ZFYVE9: variants seen among roughly 807,000 people sequenced by gnomAD.
ZFYVE9 encodes zinc finger FYVE domain-containing protein 9.
ZFYVE9 carries 43 observed loss-of-function variants against 126.7 expected under a neutral mutation model. That is an observed-to-expected ratio of 0.34 (90% confidence interval 0.27 to 0.44). ZFYVE9 has a LOEUF of 0.44. Among genes scored for constraint, ZFYVE9 ranks in the 20% least tolerant of loss-of-function variants. The probability of loss-of-function intolerance (pLI) is 1.00; values close to 1 mark genes in which losing one functional copy is unlikely to be tolerated. For missense variants in ZFYVE9, 1,476 were observed against 1,697.0 expected (o/e 0.87, Z 2.29); for synonymous variants, 521 against 597.4 (o/e 0.87, Z 1.87).
chr1:52,187,032 C>G (rs1347937112), intron 1 of ZFYVE9, among the ~76,000 whole-genome samples: 1 of 152,078 alleles, frequency 6.6e-6, no homozygotes, highest in Non-Finnish European at 1.5e-5. Flanking sequence ...GGAAAAAGAA[C>G]AAAGCTGGAG....
At position 52,238,454 on chromosome 1, in the gene ZFYVE9, C is replaced by G. The variant is rs1467258772; in HGVS notation, c.1037C>G (p.Pro346Arg). 1 of 1,613,976 alleles carries G rather than the reference C, an allele frequency of 6.2e-7. No homozygotes were observed. Among genetic ancestry groups the G allele is most frequent in the African/African-American group, 1.3e-5 (1 of 74,930 alleles). ...GLPLLLKPDMPNGSGRNNDCE... is the reference protein window; with the variant it reads ...GLPLLLKPDMRNGSGRNNDCE... ...CCTTTGCTTCTCAAACCAGACATGC[C>G]TAATGGGTCTGGAAGGAATAATGAC... is the stretch of plus-strand genomic sequence containing the variant. The change falls in exon 4 of 19, where the codon CCT becomes CGT. Residue 346 changes from proline (P) to arginine (R), a missense_variant. Around this residue, in one of 2 missense-constraint regions of ZFYVE9, gnomAD observed 807 missense variants for 794.6 expected, o/e 1.02. Coordinates refer to ENST00000287727, the MANE Select transcript of ZFYVE9 (RefSeq NM_004799.4).
chr1:52,232,976 T>G (rs551884157), intron 2 of ZFYVE9, among the ~76,000 whole-genome samples, 195 bp from the exon 3 acceptor site: 3 of 152,238 alleles, frequency 2.0e-5, no homozygotes, highest in South Asian at 2.1e-4. Context: ...TTTAGTTATA[T>G]TTTGTTGATT....
At chr1:52,205,159 C>T (rs1644965747) in intron 1 of ZFYVE9, among the ~76,000 whole-genome samples, 2 of 149,820 alleles carry the variant, frequency 1.3e-5, no homozygotes, top group Admixed American at 6.7e-5. Context: ...ACTGCAGCCT[C>T]GCCCTCCTGG....
chr1:52,316,843 T>C (rs1020792919), intron 13 of ZFYVE9, among the ~76,000 whole-genome samples: 1 of 152,230 alleles, frequency 6.6e-6, no homozygotes, highest in African/African-American at 2.4e-5. Context: ...CCAATTTTAC[T>C]TAATTGATTT....
chr1:52,264,703 A>C (rs1265394369), intron 5 of ZFYVE9, among the ~76,000 whole-genome samples: 1 of 152,114 alleles, frequency 6.6e-6, no homozygotes, highest in Non-Finnish European at 1.5e-5. Context: ...GGAGGCTGGA[A>C]CTTATCTGCT....
At chr1:52,168,640 C>T (rs1445990195) in intron 1 of ZFYVE9, among the ~76,000 whole-genome samples, 1 of 151,838 alleles carries the variant, frequency 6.6e-6, no homozygotes, top group African/African-American at 2.4e-5. Context: ...CTCAGCCTCC[C>T]AAGTAGCTGG....
intron 17 of ZFYVE9, among the ~76,000 whole-genome samples, chr1:52,342,464 G>A (rs535291195): frequency 9.3e-5 from 14 of 150,842 alleles, no homozygotes; most frequent in African/African-American, 3.4e-4. Context: ...TAGAGATGAG[G>A]TTTCACCGTG....
In ZFYVE9 at chr1:52,266,689, C is replaced by A; in HGVS notation, c.2313C>A (p.Ser771Arg). The A allele has an allele frequency of 1.2e-6, 2 of 1,606,222 alleles. No individual in the cohort carries two copies. The highest frequency in any genetic ancestry group is 2.3e-5 in the East Asian group (1 of 44,330). The change falls in exon 6 of 19, where the codon AGC becomes AGA. Residue 771 changes from serine to arginine, a missense_variant. Ser to Arg is a moderately radical substitution (Grantham distance 110). This residue lies in a region of ZFYVE9 where 669 missense variants were observed against 902.4 expected (regional missense o/e 0.74). Transcript: ENST00000287727. ...QAWENMMSAS[S>R]QSPNPNNPAE... ...GGGAGAACATGATGAGTGCCTCAAG[C>A]CAGAGCCCTAACCCTAACAATCCTG... is the stretch of plus-strand genomic sequence containing the variant.
intron 1 of ZFYVE9, among the ~76,000 whole-genome samples, chr1:52,163,752 T>C (rs191623201): frequency 5.9e-5 from 9 of 151,954 alleles, no homozygotes; most frequent in African/African-American, 2.2e-4. Context: ...TTCGGGAGGA[T>C]CACTTGAGCC....
rs924133108 is a variant in ZFYVE9, at chr1:52,240,573, C to T, written c.2178+978C>T. 5.3e-5 allele frequency among the ~76,000 whole-genome samples: 8 copies of T among 152,228 alleles called. 1 individual carries two copies. The highest frequency in any genetic ancestry group is 6.8e-3 in the Middle Eastern group (2 of 294). On this transcript the variant is annotated intron_variant, in intron 4 of 18. Coordinates refer to ENST00000287727, the MANE Select transcript of ZFYVE9 (RefSeq NM_004799.4). ...CCCCCAGTGACTTAGGTGAAAATAA[C>T]ATTTATTTCATGTAAACAGAAGCTA...
At chr1:52,304,451 C>T (rs1429276233) in intron 13 of ZFYVE9, among the ~76,000 whole-genome samples, 3 of 151,888 alleles carry the variant, frequency 2.0e-5, no homozygotes, top group Non-Finnish European at 4.4e-5. Context: ...TTAGTAGAGA[C>T]GAGGTTTCAC....
At chr1:52,229,309 C>A (rs1211452018) in intron 2 of ZFYVE9, among the ~76,000 whole-genome samples, 1 of 152,168 alleles carries the variant, frequency 6.6e-6, no homozygotes, top group Non-Finnish European at 1.5e-5. Flanking sequence ...TTCATTGCAT[C>A]ATATTGGAAA....
At chr1:52,144,304 C>T (rs986931046) in intron 1 of ZFYVE9, among the ~76,000 whole-genome samples, 6 of 151,652 alleles carry the variant, frequency 4.0e-5, no homozygotes, top group Admixed American at 2.0e-4. Context: ...GGCAACAGAG[C>T]GAGACTCCAT....
rs1220914458 is a variant in ZFYVE9, at chr1:52,142,268, G to GCGGCTACCGCAGCTC, written c.-276_-262dup. ...CTTAGCAGCAGTAGCAGCCGCAGCT[G>GCGGCTACCGCAGCTC]CGGCTACCGCAGCTCCTACAGGAGT... On this transcript the variant is annotated 5_prime_UTR_variant, in exon 1 of 19. Coordinates refer to ENST00000287727, the MANE Select transcript of ZFYVE9 (RefSeq NM_004799.4). This position sits in a 1 kb window ranked among gnomAD's most constrained non-coding sequence, Gnocchi z 4.5. The GCGGCTACCGCAGCTC allele has an allele frequency of 1.3e-5, 2 of 151,704 alleles. No individual in the cohort carries two copies. The highest frequency in any genetic ancestry group is 2.4e-5 in the African/African-American group (1 of 41,376). The allele number at this position is 151,704 out of a possible 1,614,324, so 9.4% of individuals were successfully genotyped here.
At chr1:52,292,305 G>A (rs1250249786) in intron 10 of ZFYVE9, among the ~76,000 whole-genome samples, 1 of 148,196 alleles carries the variant, frequency 6.7e-6, no homozygotes, top group Non-Finnish European at 1.5e-5. Flanking sequence ...AAAACAAAAC[G>A]AGAAAAAAAC....
rs1557472920 is a variant in ZFYVE9, at chr1:52,237,670, G to A, written c.253G>A (p.Glu85Lys). The change falls in exon 4 of 19, where the codon GAG (glutamate) becomes AAG (lysine). Residue 85 changes from glutamate (E) to lysine (K), a missense_variant. Glu to Lys is a moderately conservative substitution (Grantham distance 56, BLOSUM62 1). This residue lies in a region of ZFYVE9 where 807 missense variants were observed against 794.6 expected (regional missense o/e 1.02). Coordinates refer to ENST00000287727, the MANE Select transcript of ZFYVE9 (RefSeq NM_004799.4). ...AHSAPLTTEE[E>K]DHCANGQDCN... ...TTCAGCTCCCCTGACCACAGAGGAA[G>A]AGGATCACTGTGCTAATGGACAGGA... The A allele has an allele frequency of 2.5e-6, 4 of 1,614,100 alleles. No individual in the cohort carries two copies. The highest frequency in any genetic ancestry group is 1.7e-5 in the Admixed American group (1 of 60,004).
At chr1:52,281,069 T>G (rs930515428) in intron 9 of ZFYVE9, among the ~76,000 whole-genome samples, 1 of 151,932 alleles carries the variant, frequency 6.6e-6, no homozygotes, top group Non-Finnish European at 1.5e-5. Context: ...GAGTTAAAAG[T>G]TTTAAGTGCG....
chr1:52,283,158 C>T (rs1041811919), intron 10 of ZFYVE9, among the ~76,000 whole-genome samples: 2 of 152,118 alleles, frequency 1.3e-5, no homozygotes, highest in African/African-American at 2.4e-5. Flanking sequence ...TGAATTTAGT[C>T]CTGGAAATAA....
At chr1:52,330,213 A>G (rs567388968) in intron 13 of ZFYVE9, among the ~76,000 whole-genome samples, 1 of 152,248 alleles carries the variant, frequency 6.6e-6, no homozygotes, top group Admixed American at 6.5e-5. Flanking sequence ...CCCCATTTCT[A>G]CTAAAAATAC....
Sources: gnomAD v4.1 joint callset for allele counts (sites outside exome capture counted in the v4.1 genomes callset) on GRCh38, gnomAD v4.1.1 for gene constraint, gnomAD v4.1.1 regional missense constraint, Gnocchi (gnomAD v3.1) non-coding constraint, MANE v1.5 for transcripts, NCBI Gene and HGNC (gene_info 2026-07-23, HGNC 2026-07-21) for gene names.